MDGA2: variants seen among roughly 807,000 people sequenced by gnomAD.
The protein encoded by MDGA2 is MAM domain-containing glycosylphosphatidylinositol anchor protein 2.
Under a neutral mutation model 117.8 loss-of-function variants are expected in MDGA2, and 40 were observed. The observed-to-expected ratio is 0.34, with a 90% confidence interval of 0.26 to 0.44. The LOEUF (loss-of-function observed/expected upper bound fraction) is 0.44. MDGA2 is among the 20% of genes least tolerant of loss of function. MDGA2 has a pLI of 1.00. For missense variants in MDGA2, 1,123 were observed against 1,250.6 expected (o/e 0.90, Z 1.54); for synonymous variants, 452 against 439.0 (o/e 1.03, Z -0.37).
At chr14:47,311,698 T>C (rs569132824) in intron 1 of MDGA2, among the ~76,000 whole-genome samples, 1 of 152,090 alleles carries the variant, frequency 6.6e-6, no homozygotes, top group Admixed American at 6.6e-5. Context: ...TATTTTTTGA[T>C]GATCTATAGT....
chr14:47,573,087 G>A (rs559052858), intron 1 of MDGA2, among the ~76,000 whole-genome samples: 5 of 151,996 alleles, frequency 3.3e-5, no homozygotes, highest in African/African-American at 1.2e-4. Flanking sequence ...CAACCCCTCT[G>A]CAACTGATTA....
At chr14:47,661,604 C>T (rs1219135214) in intron 1 of MDGA2, among the ~76,000 whole-genome samples, 1 of 152,122 alleles carries the variant, frequency 6.6e-6, no homozygotes, top group Non-Finnish European at 1.5e-5. Flanking sequence ...CAGGGATGGT[C>T]TTCTGAATAT....
intron 8 of MDGA2, among the ~76,000 whole-genome samples, chr14:46,998,810 TTTATC>T (rs1310027958): frequency 6.6e-6 from 1 of 152,106 alleles, no homozygotes; most frequent in Non-Finnish European, 1.5e-5. Context: ...TGGGTCAACT[TTTATC>T]TTATTCAAGG....
intron 1 of MDGA2, among the ~76,000 whole-genome samples, chr14:47,379,781 T>G (rs1416843606): frequency 6.6e-6 from 1 of 152,126 alleles, no homozygotes; most frequent in Non-Finnish European, 1.5e-5. Flanking sequence ...TGGGAGACTT[T>G]AACACTCCAC....
rs1470904288 is a variant in MDGA2 at position 47,126,634 on chromosome 14, C to A, written c.925+5080G>T. On this transcript the variant is annotated intron_variant, in intron 5 of 16. Coordinates refer to ENST00000399232, the MANE Select transcript of MDGA2 (RefSeq NM_001113498.3). The stretch of plus-strand genomic sequence containing the variant: ...GACACCTAGACACTGCCTTTCGAAG[C>A]AGTTCTAGATAATTAATTTCTATTC... 2.0e-5 allele frequency among the ~76,000 whole-genome samples: 3 copies of A among 152,228 alleles called. No homozygotes were observed. In the East Asian group the frequency reaches 5.8e-4, roughly 29 times the overall value.
chr14:47,415,100 A>G (rs952796991), intron 1 of MDGA2, among the ~76,000 whole-genome samples: 4 of 152,140 alleles, frequency 2.6e-5, no homozygotes, highest in African/African-American at 9.7e-5. Flanking sequence ...GACTCTTTGG[A>G]AAAATCTTAA....
chr14:46,905,456 T>C (rs1260624384), intron 10 of MDGA2, among the ~76,000 whole-genome samples: 2 of 152,188 alleles, frequency 1.3e-5, no homozygotes, highest in African/African-American at 2.4e-5. Flanking sequence ...GCGTGCAAAC[T>C]ATCTCATACA....
chr14:47,355,046 G>A (rs1420122717), intron 1 of MDGA2, among the ~76,000 whole-genome samples: 1 of 152,120 alleles, frequency 6.6e-6, no homozygotes, highest in East Asian at 1.9e-4. Context: ...GTTTTTAAAA[G>A]AAGGGGCAGC....
intron 10 of MDGA2, among the ~76,000 whole-genome samples, chr14:46,919,469 C>A (rs1433199392): frequency 6.6e-6 from 1 of 152,114 alleles, no homozygotes; most frequent in Non-Finnish European, 1.5e-5. Flanking sequence ...CAGTTTTTTC[C>A]ACATAACCCT....
At chr14:47,284,206 C>T (rs1337530870) in intron 2 of MDGA2, among the ~76,000 whole-genome samples, 1 of 152,050 alleles carries the variant, frequency 6.6e-6, no homozygotes, top group Non-Finnish European at 1.5e-5. Context: ...TCAGAGAGGG[C>T]AGTTATGATT....
intron 2 of MDGA2, among the ~76,000 whole-genome samples, chr14:47,230,472 G>A (rs1886651109): frequency 6.6e-6 from 1 of 151,848 alleles, no homozygotes; most frequent in Admixed American, 6.6e-5. Flanking sequence ...AAATTAAAAT[G>A]GCTTAAGGAA....
chr14:47,142,180 A>C (rs911788301), intron 4 of MDGA2, among the ~76,000 whole-genome samples: 1 of 152,158 alleles, frequency 6.6e-6, no homozygotes, highest in African/African-American at 2.4e-5. Context: ...ACGGTGGCTC[A>C]CACCTGTAAT....
At chr14:47,359,002 T>C (rs768400915) in intron 1 of MDGA2, among the ~76,000 whole-genome samples, 1 of 152,278 alleles carries the variant, frequency 6.6e-6, no homozygotes, top group Middle Eastern at 3.4e-3. Flanking sequence ...AGACTTCAAG[T>C]AGCCAAAGCA....
chr14:47,281,028 ATAAT>A (rs934035095), intron 2 of MDGA2, among the ~76,000 whole-genome samples: 4 of 147,856 alleles, frequency 2.7e-5, no homozygotes, highest in Non-Finnish European at 4.5e-5. Flanking sequence ...AATAAAATAT[ATAAT>A]TAATATAATA....
intron 8 of MDGA2, among the ~76,000 whole-genome samples, chr14:47,021,618 A>T (rs1888289081): frequency 6.6e-6 from 1 of 152,198 alleles, no homozygotes. Flanking sequence ...TGCATCCTTT[A>T]ATTCAAGCAT....
At chr14:47,663,103 A>C (rs1383123128) in intron 1 of MDGA2, among the ~76,000 whole-genome samples, 2 of 152,184 alleles carry the variant, frequency 1.3e-5, no homozygotes, top group East Asian at 3.8e-4. Context: ...AAAAACAAGG[A>C]ACGAGTTCAG....
At chr14:47,061,019 G>C (rs1889862584) in intron 7 of MDGA2, among the ~76,000 whole-genome samples, 1 of 151,834 alleles carries the variant, frequency 6.6e-6, no homozygotes, top group African/African-American at 2.4e-5. Context: ...CTTAGTCAAT[G>C]CTATTAATTT....
chr14:47,114,955 C>CAA (rs35950492), intron 5 of MDGA2, among the ~76,000 whole-genome samples: 19,109 of 126,910 alleles, frequency 0.15, 1,430 homozygotes, highest in Admixed American at 0.21. Flanking sequence ...TCTGCACAGC[C>CAA]AAAAAAAAAA....
At chr14:47,042,332 T>C (rs1285142381) in intron 7 of MDGA2, among the ~76,000 whole-genome samples, 1 of 136,506 alleles carries the variant, frequency 7.3e-6, no homozygotes, top group Admixed American at 7.8e-5. Context: ...TTTTTTTGTG[T>C]GTGTGTGTGT....
Sources: gnomAD v4.1 joint callset for allele counts (sites outside exome capture counted in the v4.1 genomes callset) on GRCh38, gnomAD v4.1.1 for gene constraint, MANE v1.5 for transcripts, NCBI Gene and HGNC (gene_info 2026-07-23, HGNC 2026-07-21) for gene names.